The following DMD variants were observed in gnomAD, a reference collection of about 807,000 sequenced individuals.
DMD encodes the protein dystrophin.
A neutral mutation model predicts 330.1 loss-of-function variants in DMD; 63 were observed. The ratio of observed to expected loss-of-function variants is 0.19; its 90% confidence interval spans 0.16 to 0.24. The LOEUF (loss-of-function observed/expected upper bound fraction) is 0.24, where lower values mean the gene tolerates loss of function less well. Ranked by LOEUF, DMD falls within the 10% of genes least tolerant of loss-of-function variation. The pLI is 1.00. For missense variants in DMD, 3,344 were observed against 2,684.1 expected, an observed-to-expected ratio of 1.25 and a Z score of -5.43; for synonymous variants, 1,223 against 959.8, an observed-to-expected ratio of 1.27 and a Z score of -5.07.
At chrX:31,421,942 CAT>C (rs1193667881) in intron 60 of DMD, among the ~76,000 whole-genome samples, 1,759 of 47,571 alleles carry the variant, frequency 0.037, 27 homozygotes, top group South Asian at 0.069. Flanking sequence ...TACACACACA[CAT>C]ATATATATAT....
chrX:32,653,618 T>G (rs1050784620), intron 9 of DMD, among the ~76,000 whole-genome samples: 1 of 112,124 alleles, frequency 8.9e-6, no homozygotes, highest in African/African-American at 3.2e-5. Flanking sequence ...TTCTTTTGGC[T>G]TAGGATTGAC....
intron 64 of DMD, among the ~76,000 whole-genome samples, chrX:31,215,715 T>C (rs972884275): frequency 8.9e-6 from 1 of 112,280 alleles, no homozygotes; most frequent in Non-Finnish European, 1.9e-5. Flanking sequence ...ACGTGCTGTA[T>C]GTTTCATCTG....
intron 19 of DMD, among the ~76,000 whole-genome samples, chrX:32,494,783 A>G (rs1430460021): frequency 9.0e-6 from 1 of 111,500 alleles, no homozygotes; most frequent in Non-Finnish European, 1.9e-5. Context: ...AAAGTTAATA[A>G]TACTATTTTA....
chrX:31,326,492 T>C (rs1471156751), intron 61 of DMD, among the ~76,000 whole-genome samples: 2 of 109,505 alleles, frequency 1.8e-5, no homozygotes, highest in Non-Finnish European at 3.8e-5. Flanking sequence ...AAGATGTTTT[T>C]CCCCTTTGAT....
intron 1 of DMD, among the ~76,000 whole-genome samples, chrX:33,094,591 G>A (rs745685071): frequency 4.3e-4 from 48 of 111,467 alleles, no homozygotes; most frequent in Admixed American, 1.5e-3. Context: ...TGGATCACCT[G>A]AGGTCAGGAG....
chrX:32,098,497 T>G lies in DMD; in HGVS notation c.6438+118419A>C, dbSNP rs143063426. On this transcript the variant is annotated intron_variant, in intron 44 of 78. Transcript: ENST00000357033. ...TTTCATAAACTACCTTGTTTGAAAATGAGAATTTTCATGTGAAGTCAGGGC... is the reference window on the plus strand; with the variant it reads ...TTTCATAAACTACCTTGTTTGAAAAGGAGAATTTTCATGTGAAGTCAGGGC... Among the ~76,000 whole-genome samples the G allele has an allele frequency of 1.5e-3, 167 of 111,900 alleles. 5 individuals are homozygous for G. In the East Asian group the frequency reaches 0.043, roughly 29 times the overall value.
chrX:32,710,717 G>A (rs1344525881), intron 7 of DMD, among the ~76,000 whole-genome samples: 2 of 110,783 alleles, frequency 1.8e-5, no homozygotes, highest in Non-Finnish European at 1.9e-5. Flanking sequence ...CTGAGGATAG[G>A]AAAAGCAGAC....
chrX:32,771,786 C>A (rs781181984), intron 7 of DMD, among the ~76,000 whole-genome samples: 5 of 111,969 alleles, frequency 4.5e-5, no homozygotes, highest in East Asian at 5.6e-4. Context: ...CATGCTCAAA[C>A]TAAAAGCACT....
intron 47 of DMD, among the ~76,000 whole-genome samples, chrX:31,878,591 C>T (rs1356426466): frequency 1.8e-5 from 2 of 111,801 alleles, no homozygotes; most frequent in Non-Finnish European, 3.8e-5. Context: ...AACAAATGAA[C>T]AATTATGAAA....
chrX:32,394,860 A>G (rs978455330), intron 30 of DMD, among the ~76,000 whole-genome samples: 1 of 105,173 alleles, frequency 9.5e-6, no homozygotes, highest in Non-Finnish European at 2.0e-5. Context: ...AAGTATACAC[A>G]TAGTCCTTTA....
intron 16 of DMD, among the ~76,000 whole-genome samples, chrX:32,558,084 AAAT>A (rs201155026): frequency 0.013 from 1,401 of 111,215 alleles, 8 homozygotes; most frequent in South Asian, 0.023. Context: ...TCTTCGAAAT[AAAT>A]ATTATATGAT....
At chrX:31,628,422 G>A (rs1399371161) in intron 54 of DMD, among the ~76,000 whole-genome samples, 1 of 111,050 alleles carries the variant, frequency 9.0e-6, no homozygotes, top group Non-Finnish European at 1.9e-5. Flanking sequence ...AAAAGAAGGG[G>A]ATTGGAGGGC....
intron 21 of DMD, among the ~76,000 whole-genome samples, chrX:32,476,629 T>C (rs1249540909): frequency 8.9e-6 from 1 of 111,756 alleles, no homozygotes; most frequent in Non-Finnish European, 1.9e-5. Context: ...GCTTGACAAA[T>C]TTGCAACGGT....
intron 41 of DMD, among the ~76,000 whole-genome samples, chrX:32,331,549 T>C (rs745699101): frequency 1.8e-5 from 2 of 111,407 alleles, no homozygotes; most frequent in South Asian, 7.5e-4. Flanking sequence ...TTCCACTTGA[T>C]AGAAAAATTT....
intron 1 of DMD, among the ~76,000 whole-genome samples, chrX:33,318,510 C>G (rs1237037928): frequency 9.4e-6 from 1 of 106,706 alleles, no homozygotes; most frequent in Non-Finnish European, 1.9e-5. Context: ...TGCAGTGACA[C>G]CATTTCCGCT....
intron 44 of DMD, among the ~76,000 whole-genome samples, chrX:32,122,792 C>G (rs1345387022): frequency 9.0e-6 from 1 of 111,228 alleles, no homozygotes; most frequent in Non-Finnish European, 1.9e-5. Flanking sequence ...GGCAAAACTA[C>G]TCTGACAGAC....
At chrX:33,325,575 C>T (rs766032530) in intron 1 of DMD, among the ~76,000 whole-genome samples, 12 of 112,311 alleles carry the variant, frequency 1.1e-4, no homozygotes, top group Middle Eastern at 9.3e-3. Flanking sequence ...AAACCAATCA[C>T]GCATTTGCTC....
intron 30 of DMD, among the ~76,000 whole-genome samples, chrX:32,392,465 G>A (rs1358570932): frequency 3.6e-5 from 4 of 110,603 alleles, no homozygotes; most frequent in Admixed American, 9.7e-5. Context: ...TTACCATGTT[G>A]GTCAGGATGG....
At chrX:31,703,675 T>A (rs893938606) in intron 52 of DMD, among the ~76,000 whole-genome samples, 3 of 111,806 alleles carry the variant, frequency 2.7e-5, no homozygotes, top group African/African-American at 9.8e-5. Flanking sequence ...ATACATTTAG[T>A]CAATGCTATG....
Sources: allele counts gnomAD v4.1 joint callset (sites outside exome capture counted in the v4.1 genomes callset), GRCh38; gene constraint gnomAD v4.1.1; transcripts MANE v1.5; gene names NCBI Gene and HGNC (gene_info 2026-07-23, HGNC 2026-07-21).